Variants in PDXK observed in about 807,000 individuals in gnomAD.
PDXK encodes epididymis secretory sperm binding protein Li 1a.
In PDXK, 15 loss-of-function variants were observed where a neutral mutation model predicts 43.2. The ratio of observed to expected loss-of-function variants is 0.35; its 90% CI spans 0.23 to 0.53. PDXK has a LOEUF of 0.53. PDXK is among the 20% of genes least tolerant of loss of function. The pLI is 0.92. For missense variants in PDXK, 343 were observed against 417.0 expected (o/e 0.82, Z 1.54); for synonymous variants, 172 against 165.4 (o/e 1.04, Z -0.31).
At chr21:43,719,590 T>C (rs2083189421) in intron 1 of PDXK, 1 of 984,538 alleles carries the variant, frequency 1.0e-6, no homozygotes, top group African/African-American at 1.7e-5. Flanking sequence ...TGCGGGCCCC[T>C]GCGGGTGGGA....
chr21:43,725,043 G>T (rs1006215255), intron 1 of PDXK, among the ~76,000 whole-genome samples: 8 of 152,100 alleles, frequency 5.3e-5, no homozygotes, highest in Admixed American at 2.0e-4. Context: ...CCTGGTGTTG[G>T]CTGGGTGCAG....
intron 5 of PDXK, among the ~76,000 whole-genome samples, 159 bp downstream of exon 5, chr21:43,746,284 A>G (rs573868774): frequency 2.1e-3 from 326 of 152,326 alleles, no homozygotes; most frequent in Non-Finnish European, 3.1e-3. Flanking sequence ...GGGAACCGAC[A>G]TATTTTCTGT....
rs2083931433 is a variant in PDXK at position 43,761,492 on chromosome 21, C to G, written c.*5429C>G. The stretch of plus-strand genomic sequence containing the variant: ...CCTAAGCTTCTGCTTGGGGATCCCC[C>G]ACACGACCTGGGTACTGCCTGGGAA... On this transcript the variant is annotated 3_prime_UTR_variant, in exon 11 of 11. Transcript: ENST00000291565. 6.4e-6 allele frequency: 1 copy of G among 156,134 alleles called. No individual in the cohort carries two copies. Among genetic ancestry groups the G allele is most frequent in the Non-Finnish European group, 1.4e-5 (1 of 69,574 alleles). The allele number at this position is 156,134 out of a possible 1,614,324, so 9.7% of individuals were successfully genotyped here.
At chr21:43,736,493 G>T (rs1452136230) in intron 2 of PDXK, among the ~76,000 whole-genome samples, 1 of 152,228 alleles carries the variant, frequency 6.6e-6, no homozygotes, top group Middle Eastern at 3.2e-3. Flanking sequence ...ATGAACGTTT[G>T]TCTCAGTTCT....
chr21:43,721,135 G>A (rs1412888840), intron 1 of PDXK, among the ~76,000 whole-genome samples: 4 of 152,244 alleles, frequency 2.6e-5, no homozygotes, highest in Non-Finnish European at 5.9e-5. Flanking sequence ...TGGACAAGGA[G>A]AAGCAATGTG....
At chr21:43,745,791 G>A (rs745356438) in intron 4 of PDXK, 65 of 423,294 alleles carry the variant, frequency 1.5e-4, no homozygotes, top group Non-Finnish European at 2.3e-4. Context: ...AAGCCTAGGA[G>A]TTCAAAACCA....
intron 1 of PDXK, among the ~76,000 whole-genome samples, chr21:43,727,960 GC>G (rs2083270778): frequency 6.6e-6 from 1 of 152,212 alleles, no homozygotes; most frequent in Admixed American, 6.5e-5. Context: ...CATGACCTCT[GC>G]CTTCCCTTAG....
At chr21:43,728,259 G>C (rs930392548) in intron 1 of PDXK, among the ~76,000 whole-genome samples, 1 of 152,198 alleles carries the variant, frequency 6.6e-6, no homozygotes, top group Non-Finnish European at 1.5e-5. Flanking sequence ...AGTGGCAGGC[G>C]GTGGGAGGGA....
Position 43,734,245 on chromosome 21 carries a change from G to A in PDXK, c.142+122G>A, listed in dbSNP as rs2083368435. The A allele has an allele frequency of 3.3e-6, 3 of 902,792 alleles. No individual in the cohort carries two copies. In the Admixed American group the frequency reaches 5.6e-5, roughly 17 times the overall value. 55.9% of individuals were successfully genotyped at this position (902,792 alleles called of 1,614,324 possible). On this transcript the variant is annotated intron_variant, in intron 2 of 10. Transcript: ENST00000291565. The surrounding 1 kb of genome is among the most constrained non-coding windows in gnomAD (Gnocchi z 5.0). ...GAGGGACGGGGCTTTCGTGTGGACG[G>A]GGACCTGGAGTCCTGGGCGTCGCTC...
At chr21:43,727,587 A>G (rs918585060) in intron 1 of PDXK, among the ~76,000 whole-genome samples, 2 of 152,142 alleles carry the variant, frequency 1.3e-5, no homozygotes, top group African/African-American at 4.8e-5. Context: ...GCCTCTGGGA[A>G]TGTGGTCACC....
At chr21:43,748,343 C>G (rs1022847917) in intron 5 of PDXK, 1 of 152,120 alleles carries the variant, frequency 6.6e-6, no homozygotes, top group South Asian at 2.1e-4. Context: ...AAAAATTAGC[C>G]GGGCGTGGGG....
chr21:43,737,959 C>T lies in PDXK; in HGVS notation c.143-3708C>T, dbSNP rs1394214692. On this transcript the variant is annotated intron_variant, in intron 2 of 10. Coordinates refer to ENST00000291565, the MANE Select transcript of PDXK (RefSeq NM_003681.5). This position sits in a 1 kb window ranked among gnomAD's most constrained non-coding sequence, Gnocchi z 4.8. ...GTGGGCAGGAGGCCACCAAGAGGTG[C>T]AAGACCATGCCCTCTGTTTCGATAG... The T allele has an allele frequency of 3.0e-6, 3 of 985,508 alleles. No individual in the cohort carries two copies. Among genetic ancestry groups the T allele is most frequent in the Non-Finnish European group, 3.6e-6 (3 of 829,954 alleles). 61.0% of individuals were successfully genotyped at this position (985,508 alleles called of 1,614,324 possible).
intron 1 of PDXK, among the ~76,000 whole-genome samples, chr21:43,720,847 G>A (rs549036248): frequency 6.6e-6 from 1 of 152,194 alleles, no homozygotes; most frequent in Non-Finnish European, 1.5e-5. Flanking sequence ...TGCAGGTCCT[G>A]CTGTGTCTGT....
chr21:43,741,596 G>A (rs114716060), intron 2 of PDXK, 71 bp from the exon 3 acceptor site: 1 of 1,585,156 alleles, frequency 6.3e-7, no homozygotes, highest in South Asian at 1.1e-5. Flanking sequence ...GAGTGGGCGG[G>A]TGTCAAGGGA....
At chr21:43,728,170 C>T (rs915526227) in intron 1 of PDXK, among the ~76,000 whole-genome samples, 1 of 152,054 alleles carries the variant, frequency 6.6e-6, no homozygotes, top group African/African-American at 2.4e-5. Context: ...CTGGGGGGCT[C>T]GGGGCCATTT....
rs1374441228 is a variant in PDXK, at chr21:43,760,597, C to T, written c.*4534C>T. The T allele has an allele frequency of 6.6e-6, 1 of 152,270 alleles. No homozygotes were observed. 9.4% of individuals were successfully genotyped at this position (152,270 alleles called of 1,614,324 possible). A position where few individuals can be genotyped will look rare whatever the true frequency, so the allele number is the denominator to read the frequency against. ...GGGCCAGGTCCCTGCGTCCATCCCC[C>T]CCGGTAGGATGGACGTGAGCCATCC... is the stretch of plus-strand genomic sequence containing the variant. On this transcript the variant is annotated 3_prime_UTR_variant, in exon 11 of 11. Coordinates refer to ENST00000291565, the MANE Select transcript of PDXK (RefSeq NM_003681.5).
intron 1 of PDXK, chr21:43,728,750 C>A (rs1285704342): frequency 1.0e-6 from 1 of 985,672 alleles, no homozygotes; most frequent in African/African-American, 1.7e-5. Flanking sequence ...CTGCGGGCTG[C>A]GCCTGGGCAG....
At chr21:43,721,519 T>C (rs561035813) in intron 1 of PDXK, among the ~76,000 whole-genome samples, 1 of 152,316 alleles carries the variant, frequency 6.6e-6, no homozygotes, top group African/African-American at 2.4e-5. Context: ...GAGAGGCGCC[T>C]TATGGGGACT....
In PDXK at chr21:43,762,124, G is replaced by T. The variant is rs1356085528; in HGVS notation, c.*6061G>T. ...TCGCCTCCGTGGTCCCCCTGCTGAG[G>T]GAGTGCGGCCTCTGCAAGGTTCGGG... On this transcript the variant is annotated 3_prime_UTR_variant, in exon 11 of 11. Coordinates refer to ENST00000291565, the MANE Select transcript of PDXK (RefSeq NM_003681.5). 2 of 153,380 alleles carry T rather than the reference G, an allele frequency of 1.3e-5. No homozygotes were observed. Among genetic ancestry groups the T allele is most frequent in the African/African-American group, 4.8e-5 (2 of 41,462 alleles). 9.5% of individuals were successfully genotyped at this position (153,380 alleles called of 1,614,324 possible).
Sources: allele counts gnomAD v4.1 joint callset (sites outside exome capture counted in the v4.1 genomes callset), GRCh38; gene constraint gnomAD v4.1.1; non-coding constraint Gnocchi (gnomAD v3.1); transcripts MANE v1.5; gene names NCBI Gene and HGNC (gene_info 2026-07-23, HGNC 2026-07-21).